HSD17B12: variants seen among roughly 807,000 people sequenced by gnomAD.
The protein encoded by HSD17B12 is very-long-chain 3-oxoacyl-CoA reductase.
Under a neutral mutation model 39.3 loss-of-function variants are expected in HSD17B12, and 32 were observed. That is an observed-to-expected ratio of 0.81 (90% CI 0.61 to 1.09). The LOEUF (loss-of-function observed/expected upper bound fraction) is 1.09, where lower values mean the gene tolerates loss of function less well. HSD17B12 is among the 50% of genes least tolerant of loss of function. The pLI is 0.00. For synonymous variants in HSD17B12, 150 were observed against 146.7 expected (o/e 1.02, Z -0.16); for missense variants, 342 against 382.9 (o/e 0.89, Z 0.89).
intron 1 of HSD17B12, among the ~76,000 whole-genome samples, chr11:43,729,537 G>A (rs1308266204): frequency 6.6e-6 from 1 of 152,110 alleles, no homozygotes; most frequent in African/African-American, 2.4e-5. Flanking sequence ...TCTATGGTAT[G>A]TTTGTAGAAT....
chr11:43,690,357 CATACATAT>C lies in HSD17B12; in HGVS notation c.160+9374_160+9381del, dbSNP rs1274333448. On this transcript the variant is annotated intron_variant, in intron 1 of 10. Transcript: ENST00000278353. Reference sequence around the variant, plus strand: ...GGAAATATCTGTTAAGTAAGGTATTCATACATATATATATATATATATATATATATATA... The same window carrying C: ...GGAAATATCTGTTAAGTAAGGTATTCATATATATATATATATATATATATA... Among the ~76,000 whole-genome samples, 15 of 74,076 alleles carry C rather than the reference CATACATAT, an allele frequency of 2.0e-4. 1 individual carries two copies. Among genetic ancestry groups the C allele is most frequent in the African/African-American group, 8.0e-4 (13 of 16,334 alleles). The allele number at this position is 74,076 out of a possible 152,430, so 48.6% of individuals were successfully genotyped here.
chr11:43,597,625 C>T, the HSD17B12 span, among the ~76,000 whole-genome samples: 4 of 151,882 alleles, frequency 2.6e-5, no homozygotes, highest in Non-Finnish European at 5.9e-5. Flanking sequence ...CCTGCTTTTT[C>T]GTTTGTTTGG....
chr11:43,715,672 A>C (rs991851577), intron 1 of HSD17B12, among the ~76,000 whole-genome samples: 1 of 151,958 alleles, frequency 6.6e-6, no homozygotes. Flanking sequence ...CTCTTTTTCT[A>C]TTGATTGGAA....
chr11:43,746,095 C>CTGGGTAAGTGAG (rs1177171782), intron 1 of HSD17B12, among the ~76,000 whole-genome samples: 1 of 152,114 alleles, frequency 6.6e-6, no homozygotes, highest in African/African-American at 2.4e-5. Flanking sequence ...TGGAGTTTTT[C>CTGGGTAAGTGAG]TGGGTAAGTG....
intron 3 of HSD17B12, among the ~76,000 whole-genome samples, chr11:43,781,079 C>G (rs1172589154): frequency 6.6e-6 from 1 of 152,086 alleles, no homozygotes; most frequent in African/African-American, 2.4e-5. Context: ...TTTCCCTGTT[C>G]TTATCTTGTC....
At chr11:43,578,717 G>C in the HSD17B12 span, among the ~76,000 whole-genome samples, 1 of 151,164 alleles carries the variant, frequency 6.6e-6, no homozygotes, top group Non-Finnish European at 1.5e-5. Flanking sequence ...CGGTCGGGGC[G>C]GGAGTGGTGG....
intron 6 of HSD17B12, among the ~76,000 whole-genome samples, chr11:43,824,957 C>G (rs2863027): frequency 0.019 from 2,864 of 152,180 alleles, 84 homozygotes; most frequent in African/African-American, 0.051. Context: ...ATGGCGAGAC[C>G]CCATCTCTAT....
At chr11:43,572,418 T>C in the HSD17B12 span, among the ~76,000 whole-genome samples, 3 of 152,086 alleles carry the variant, frequency 2.0e-5, no homozygotes, top group Non-Finnish European at 4.4e-5. Context: ...ACTCCACATG[T>C]TGGGGGATAG....
intron 1 of HSD17B12, among the ~76,000 whole-genome samples, chr11:43,733,568 A>T (rs1950288729): frequency 6.6e-6 from 1 of 152,242 alleles, no homozygotes; most frequent in Non-Finnish European, 1.5e-5. Context: ...AAATTGAGTG[A>T]TACATTGAAT....
At chr11:43,834,453 T>G (rs1237589339) in intron 7 of HSD17B12, among the ~76,000 whole-genome samples, 1 of 152,056 alleles carries the variant, frequency 6.6e-6, no homozygotes, top group Non-Finnish European at 1.5e-5. Flanking sequence ...ACCCTGCAGT[T>G]CCGGTTCCTC....
chr11:43,766,279 T>C (rs930034073), intron 3 of HSD17B12, among the ~76,000 whole-genome samples: 4 of 152,206 alleles, frequency 2.6e-5, no homozygotes, highest in African/African-American at 9.6e-5. Context: ...TCTATCTGAA[T>C]TCCTCTTCTC....
At chr11:43,701,586 A>G (rs1192659892) in intron 1 of HSD17B12, among the ~76,000 whole-genome samples, 2 of 152,166 alleles carry the variant, frequency 1.3e-5, no homozygotes, top group Non-Finnish European at 1.5e-5. Flanking sequence ...CATTTATTCA[A>G]GAGACTGTCT....
At chr11:43,675,140 T>A in the HSD17B12 span, among the ~76,000 whole-genome samples, 1 of 152,238 alleles carries the variant, frequency 6.6e-6, no homozygotes, top group African/African-American at 2.4e-5. Context: ...CTAATGAACT[T>A]ACATTCATTC....
chr11:43,798,276 T>C (rs369871936), intron 3 of HSD17B12, 44 bp from the exon 4 acceptor site: 87 of 1,143,656 alleles, frequency 7.6e-5, no homozygotes, highest in Non-Finnish European at 9.9e-5. Context: ...TGCCATGTAC[T>C]AATTTTCCCT....
chr11:43,738,454 T>C (rs1590707584), intron 1 of HSD17B12, among the ~76,000 whole-genome samples: 2 of 152,072 alleles, frequency 1.3e-5, no homozygotes, highest in Admixed American at 1.3e-4. Context: ...TCAGAATTCT[T>C]TGAAAGTGCA....
chr11:43,776,037 G>A (rs1950699884), intron 3 of HSD17B12, among the ~76,000 whole-genome samples: 3 of 152,110 alleles, frequency 2.0e-5, no homozygotes, highest in Admixed American at 1.3e-4. Flanking sequence ...CCAAGTCTTT[G>A]CCATTGTGAA....
chr11:43,741,227 C>T (rs1241887971), intron 1 of HSD17B12, among the ~76,000 whole-genome samples: 1 of 152,076 alleles, frequency 6.6e-6, no homozygotes. Flanking sequence ...CACTAATAGT[C>T]TATGTTAATT....
chr11:43,741,549 C>T (rs868788211), intron 1 of HSD17B12, among the ~76,000 whole-genome samples: 8 of 151,968 alleles, frequency 5.3e-5, no homozygotes, highest in African/African-American at 1.9e-4. Context: ...CCTAATCCCC[C>T]AGAAGCAACT....
rs146434538 is a variant in HSD17B12, at chr11:43,807,459, G to A, written c.392-7978G>A. Among the ~76,000 whole-genome samples the A allele has an allele frequency of 2.2e-3, 341 of 152,206 alleles. 2 individuals carry two copies. The Middle Eastern group carries it at 0.031, about 14-fold the overall frequency. ...AAAAGCCCTGTGAATCTGGAGCAAGGGTTTCAAAGGGGACAGTAACAAAAG... is the reference window on the plus strand; with the variant it reads ...AAAAGCCCTGTGAATCTGGAGCAAGAGTTTCAAAGGGGACAGTAACAAAAG... On this transcript the variant is annotated intron_variant, in intron 4 of 10. Transcript: ENST00000278353.
Sources: gnomAD v4.1 joint callset for allele counts (sites outside exome capture counted in the v4.1 genomes callset) on GRCh38, gnomAD v4.1.1 for gene constraint, MANE v1.5 for transcripts, NCBI Gene and HGNC (gene_info 2026-07-23, HGNC 2026-07-21) for gene names.